The following HAPLN2 variants were observed in gnomAD, a reference collection of about 807,000 sequenced individuals.
The protein encoded by HAPLN2 is brain link protein-1.
In HAPLN2, 27 loss-of-function variants were observed where a neutral mutation model predicts 29.3. That is an observed-to-expected ratio of 0.92 (90% confidence interval 0.68 to 1.27). The LOEUF (loss-of-function observed/expected upper bound fraction) is 1.27. HAPLN2 is among the 50% of genes most tolerant of loss of function. The pLI is 0.00. For synonymous variants in HAPLN2, 208 were observed against 211.7 expected, an observed-to-expected ratio of 0.98 and a Z score of 0.15; for missense variants, 454 against 484.3, an observed-to-expected ratio of 0.94 and a Z score of 0.59.
At chr1:156,611,643 C>A in the HAPLN2 span, among the ~76,000 whole-genome samples, 1 of 152,052 alleles carries the variant, frequency 6.6e-6, no homozygotes, top group Non-Finnish European at 1.5e-5. Context: ...ACAAAAAAAC[C>A]AGGTGATCCC....
In HAPLN2 at chr1:156,624,596, G is replaced by T; in HGVS notation, c.557-5G>T. The T allele has an allele frequency of 6.2e-7, 1 of 1,611,666 alleles. No individual in the cohort carries two copies. The highest frequency in any genetic ancestry group is 1.1e-5 in the South Asian group (1 of 90,692). ...TTATCCCCGACCTCCGCCGTCTCCC[G>T]CCAGCTTGGACCGAGGGTCTGGACT... On this transcript the variant is annotated splice_polypyrimidine_tract_variant and splice_region_variant and intron_variant, in intron 5 of 6. Coordinates refer to ENST00000255039, the MANE Select transcript of HAPLN2 (RefSeq NM_021817.3).
chr1:156,607,451 G>A, the HAPLN2 span, among the ~76,000 whole-genome samples: 1 of 152,054 alleles, frequency 6.6e-6, no homozygotes, highest in Non-Finnish European at 1.5e-5. Flanking sequence ...CTGCACTCCA[G>A]TCTGGGTGAC....
chr1:156,623,837 C>T lies in HAPLN2; in HGVS notation c.116C>T (p.Pro39Leu), dbSNP rs757330652. 42 of 1,539,016 alleles carry T rather than the reference C, an allele frequency of 2.7e-5. No individual in the cohort carries two copies. Among genetic ancestry groups the T allele is most frequent in the East Asian group, 6.8e-5 (3 of 44,196 alleles). The change falls in exon 4 of 7, where the codon CCC (proline) becomes CTC (leucine). Residue 39 changes from proline to leucine, a missense_variant. This residue lies in a region of HAPLN2 where 204 missense variants were observed against 209.2 expected (regional missense o/e 0.98). Transcript: ENST00000255039. ...ASHPGPHYLL[P>L]PIHEVIHSHR... ...CACCCGGGCCCCCACTACCTCCTGC[C>T]CCCCATCCACGAGGTCATTCACTCT... is the stretch of plus-strand genomic sequence containing the variant.
At chr1:156,616,432 A>C (rs936220387), upstream of HAPLN2, among the ~76,000 whole-genome samples, 3 of 152,326 alleles carry the variant, frequency 2.0e-5, no homozygotes, top group Admixed American at 2.0e-4. Context: ...TCTGTCAAAT[A>C]GTTCTAGGCT....
intron 2 of HAPLN2, among the ~76,000 whole-genome samples, chr1:156,622,380 G>A (rs1426736889): frequency 6.6e-6 from 1 of 152,058 alleles, no homozygotes; most frequent in Non-Finnish European, 1.5e-5. Flanking sequence ...CTTGAGTCTG[G>A]GAGGGCGAGG....
rs758868684 is a variant in HAPLN2 at position 156,624,127 on chromosome 1, G to A, written c.406G>A (p.Asp136Asn). The A allele has an allele frequency of 1.1e-5, 17 of 1,613,554 alleles. No homozygotes were observed. The highest frequency in any genetic ancestry group is 1.4e-5 in the Non-Finnish European group (17 of 1,179,924). ...CTGCGAGCTCATCAACGGCATCGAGGACGAGAGCGTGGCGCTGACCTTGAG... is the reference window on the plus strand; with the variant it reads ...CTGCGAGCTCATCAACGGCATCGAGAACGAGAGCGTGGCGCTGACCTTGAG... ...YRCELINGIE[D>N]ESVALTLSLE... Residue 136 changes from aspartate to asparagine, a missense_variant, in exon 4 of 7, where the codon GAC (aspartate) becomes AAC (asparagine). Transcript: ENST00000255039.
the HAPLN2 span, among the ~76,000 whole-genome samples, chr1:156,606,577 G>C: frequency 6.6e-6 from 1 of 151,408 alleles, no homozygotes; most frequent in African/African-American, 2.4e-5. Context: ...CAATCTCCTG[G>C]ACTCAAGCAA....
chr1:156,617,351 C>CTTT (rs36034383), upstream of HAPLN2, among the ~76,000 whole-genome samples: 314 of 126,604 alleles, frequency 2.5e-3, 3 homozygotes, highest in Middle Eastern at 9.2e-3. Context: ...GGGTATGGTT[C>CTTT]TTTTTTTTTT....
rs868243242 is a variant in HAPLN2 at position 156,625,517 on chromosome 1, C to T, written c.*133C>T. 5.5e-6 allele frequency: 5 copies of T among 908,210 alleles called. No individual in the cohort carries two copies. Among genetic ancestry groups the T allele is most frequent in the African/African-American group, 1.8e-5 (1 of 56,560 alleles). The allele number at this position is 908,210 out of a possible 1,614,324, so 56.3% of individuals were successfully genotyped here. On this transcript the variant is annotated 3_prime_UTR_variant, in exon 7 of 7. Coordinates refer to ENST00000255039, the MANE Select transcript of HAPLN2 (RefSeq NM_021817.3). The surrounding 1 kb of genome is among the most constrained non-coding windows in gnomAD (Gnocchi z 5.7). Reference sequence around the variant, plus strand: ...GCCTCTCCAGACCTGCCTTCCCAGCCGGGGGCTGCGGGCCTCGGACCCCGG... The same window carrying T: ...GCCTCTCCAGACCTGCCTTCCCAGCTGGGGGCTGCGGGCCTCGGACCCCGG...
the HAPLN2 span, chr1:156,601,531 CA>C: frequency 2.1e-6 from 3 of 1,444,962 alleles, no homozygotes; most frequent in South Asian, 1.2e-5. Flanking sequence ...CCGCGGGAAC[CA>C]AAATCACGGT....
the HAPLN2 span, among the ~76,000 whole-genome samples, chr1:156,606,859 T>C: frequency 1.3e-5 from 2 of 152,188 alleles, no homozygotes; most frequent in African/African-American, 4.8e-5. Flanking sequence ...CATCAGGTGA[T>C]ATCTGATTAC....
the HAPLN2 span, among the ~76,000 whole-genome samples, chr1:156,603,557 AAT>A: frequency 1.3e-5 from 2 of 152,110 alleles, no homozygotes; most frequent in Non-Finnish European, 2.9e-5. Context: ...ATATATATGA[AAT>A]ATATAAGAAG....
At chr1:156,610,570 G>T in the HAPLN2 span, among the ~76,000 whole-genome samples, 2 of 151,910 alleles carry the variant, frequency 1.3e-5, no homozygotes, top group Non-Finnish European at 2.9e-5. Context: ...AACCAGGAAG[G>T]CGGAGGTTGC....
chr1:156,609,459 T>G, the HAPLN2 span, among the ~76,000 whole-genome samples: 2 of 152,270 alleles, frequency 1.3e-5, no homozygotes, highest in African/African-American at 2.4e-5. Context: ...GTTTGTTAAA[T>G]TATCTACAAT....
upstream of HAPLN2, among the ~76,000 whole-genome samples, chr1:156,614,413 T>G (rs1373396305): frequency 6.6e-6 from 1 of 152,082 alleles, no homozygotes; most frequent in Non-Finnish European, 1.5e-5. Context: ...TTAGTAGAGA[T>G]GGATTTCACC....
chr1:156,609,929 A>C, the HAPLN2 span, among the ~76,000 whole-genome samples: 1 of 152,192 alleles, frequency 6.6e-6, no homozygotes, highest in Non-Finnish European at 1.5e-5. Context: ...TAAAAAACAA[A>C]TACAGGCTGG....
chr1:156,625,559 G>A lies in HAPLN2; in HGVS notation c.*175G>A. 1 of 648,212 alleles carries A rather than the reference G, an allele frequency of 1.5e-6. No homozygotes were observed. The highest frequency in any genetic ancestry group is 2.4e-6 in the Non-Finnish European group (1 of 419,240). The allele number at this position is 648,212 out of a possible 1,614,324, so 40.2% of individuals were successfully genotyped here. The stretch of plus-strand genomic sequence containing the variant: ...GGACCCCGGCTGGCCCGGCGGCGGG[G>A]AGGGGAGGCGGGGGCGCCTCCGGCG... On this transcript the variant is annotated 3_prime_UTR_variant, in exon 7 of 7. Coordinates refer to ENST00000255039, the MANE Select transcript of HAPLN2 (RefSeq NM_021817.3). This position sits in a 1 kb window ranked among gnomAD's most constrained non-coding sequence, Gnocchi z 5.7.
chr1:156,613,988 A>T, the HAPLN2 span, among the ~76,000 whole-genome samples: 2 of 152,038 alleles, frequency 1.3e-5, no homozygotes, highest in Non-Finnish European at 2.9e-5. Flanking sequence ...ATATAAAAAA[A>T]TCCTCAATTT....
the HAPLN2 span, among the ~76,000 whole-genome samples, chr1:156,608,791 C>T: frequency 1.3e-5 from 2 of 152,074 alleles, no homozygotes; most frequent in African/African-American, 4.8e-5. Context: ...TCCACCCGCC[C>T]TCTTTCTTTT....
Sources: allele counts gnomAD v4.1 joint callset (sites outside exome capture counted in the v4.1 genomes callset), GRCh38; gene constraint gnomAD v4.1.1; regional missense constraint gnomAD v4.1.1; non-coding constraint Gnocchi (gnomAD v3.1); transcripts MANE v1.5; gene names NCBI Gene and HGNC (gene_info 2026-07-23, HGNC 2026-07-21).